UBE3A: variants seen among roughly 807,000 people sequenced by gnomAD.
UBE3A encodes the protein ubiquitin protein ligase E3A.
UBE3A carries 6 observed loss-of-function variants against 83.4 expected under a neutral mutation model. The ratio of observed to expected loss-of-function variants is 0.07; its 90% CI spans 0.04 to 0.14. The LOEUF (loss-of-function observed/expected upper bound fraction) is 0.14, where lower values mean the gene tolerates loss of function less well. UBE3A is among the 10% of genes least tolerant of loss of function. The pLI is 1.00. For synonymous variants in UBE3A, 337 were observed against 355.4 expected, an observed-to-expected ratio of 0.95 and a Z score of 0.58; for missense variants, 456 against 1,036.1, an observed-to-expected ratio of 0.44 and a Z score of 7.69.
chr15:25,396,669 G>C (rs956311944), intron 4 of UBE3A, among the ~76,000 whole-genome samples: 2 of 151,996 alleles, frequency 1.3e-5, no homozygotes, highest in Admixed American at 6.6e-5. Context: ...AGTAAATCCA[G>C]GTAAAATAAA....
In UBE3A at chr15:25,405,495, C is replaced by CGAA; in HGVS notation, c.27_28insTTC (p.Gly9_Glu10insPhe). The CGAA allele has an allele frequency of 1.2e-6, 2 of 1,613,796 alleles. No homozygotes were observed. Among genetic ancestry groups the CGAA allele is most frequent in the East Asian group, 2.2e-5 (1 of 44,840 alleles). ...GCTTCAATGTCGTCAGACTGAGGTT[C>CGAA]TCCTGATCTGTAAAATGCAATTGAG... On this transcript the variant is annotated inframe_insertion, in exon 4 of 13. Transcript: ENST00000648336.
intron 4 of UBE3A, among the ~76,000 whole-genome samples, chr15:25,378,916 T>G (rs1595892324): frequency 6.6e-6 from 1 of 152,156 alleles, no homozygotes; most frequent in Non-Finnish European, 1.5e-5. Flanking sequence ...CTCTAATTTG[T>G]TGAGGACCTA....
At chr15:25,357,810 A>G (rs748238154) in intron 7 of UBE3A, among the ~76,000 whole-genome samples, 5 of 151,854 alleles carry the variant, frequency 3.3e-5, no homozygotes, top group Non-Finnish European at 7.4e-5. Context: ...TTCAATACAC[A>G]TGTTAATTAT....
In UBE3A at chr15:25,371,074, G is replaced by T; in HGVS notation, c.1100C>A (p.Ala367Asp). ...NLVNDDDAIV[A>D]ASKCLKMVYY... is the part of the protein sequence containing the mutation. ...AACCATTTTCAAGCACTTCGAAGCAGCAACAATGGCATCATCATCATTCAC... is the reference window on the plus strand; with the variant it reads ...AACCATTTTCAAGCACTTCGAAGCATCAACAATGGCATCATCATCATTCAC... The change falls in exon 6 of 13, where the codon GCT becomes GAT. Residue 367 changes from alanine (A) to aspartate (D), a missense_variant. Transcript: ENST00000648336. This position sits in a 1 kb window ranked among gnomAD's most constrained non-coding sequence, Gnocchi z 5.3. 6.2e-7 allele frequency: 1 copy of T among 1,613,910 alleles called. No homozygotes were observed. The highest frequency in any genetic ancestry group is 8.5e-7 in the Non-Finnish European group (1 of 1,179,894).
rs528025623 is a variant in UBE3A at position 25,335,111 on chromosome 15, G to C, written c.*4026C>G. ...AACTGAAATGTGGAAAGAGTATCAA[G>C]AGGAGACCCTAAGACACTCTGTAAG... On this transcript the variant is annotated 3_prime_UTR_variant, in exon 13 of 13. Transcript: ENST00000648336. 7 of 152,168 alleles carry C rather than the reference G, an allele frequency of 4.6e-5. No individual in the cohort carries two copies. In the South Asian group the frequency reaches 1.5e-3, roughly 32 times the overall value. The allele number at this position is 152,168 out of a possible 1,614,324, so 9.4% of individuals were successfully genotyped here. A position where few individuals can be genotyped will look rare whatever the true frequency, so the allele number is the denominator to read the frequency against.
chr15:25,335,560 G>A lies in UBE3A; in HGVS notation c.*3577C>T, dbSNP rs182158721. 2.0e-5 allele frequency: 3 copies of A among 152,196 alleles called. No individual in the cohort carries two copies. Among genetic ancestry groups the A allele is most frequent in the African/African-American group, 7.2e-5 (3 of 41,536 alleles). 9.4% of individuals were successfully genotyped at this position (152,196 alleles called of 1,614,324 possible). A position where few individuals can be genotyped will look rare whatever the true frequency, so the allele number is the denominator to read the frequency against. ...GGAAGGAATGATGGGAGAGGTTTAG[G>A]GGGAAAGAAGTGACAACCTGTGACA... On this transcript the variant is annotated 3_prime_UTR_variant, in exon 13 of 13. Transcript: ENST00000648336.
intron 9 of UBE3A, 77 bp downstream of exon 9, chr15:25,355,815 T>C (rs1006491385): frequency 4.3e-6 from 6 of 1,384,450 alleles, no homozygotes; most frequent in African/African-American, 2.9e-5. Context: ...TATTAGATAC[T>C]TCTTTAAAAA....
At chr15:25,344,682 T>TTAAC (rs1374026366) in intron 11 of UBE3A, among the ~76,000 whole-genome samples, 2 of 152,182 alleles carry the variant, frequency 1.3e-5, no homozygotes, top group Non-Finnish European at 2.9e-5. Context: ...AATTATTACA[T>TTAAC]TAACTCCTTA....
At chr15:25,397,638 TAATTCCCTGTATTAAAAATAAACGGCAA>T (rs1479137216) in intron 4 of UBE3A, among the ~76,000 whole-genome samples, 1 of 152,196 alleles carries the variant, frequency 6.6e-6, no homozygotes, top group Non-Finnish European at 1.5e-5. Flanking sequence ...ATTATTCTTC[TAATTCCCTGTATTAAAAATAAACGGCAA>T]AATTCCCTGT....
chr15:25,348,028 T>C (rs2075969497), intron 11 of UBE3A, among the ~76,000 whole-genome samples: 1 of 151,998 alleles, frequency 6.6e-6, no homozygotes, highest in African/African-American at 2.4e-5. Context: ...AGACAGATCA[T>C]GCAAACATTA....
intron 11 of UBE3A, among the ~76,000 whole-genome samples, chr15:25,348,249 G>A (rs1331968383): frequency 6.6e-6 from 1 of 151,972 alleles, no homozygotes; most frequent in East Asian, 1.9e-4. Flanking sequence ...ATATTCTCAA[G>A]TGATTTTTAA....
rs1208611429 is a variant in UBE3A at position 25,338,220 on chromosome 15, G to A, written c.*917C>T. On this transcript the variant is annotated 3_prime_UTR_variant, in exon 13 of 13. Coordinates refer to ENST00000648336, the MANE Select transcript of UBE3A (RefSeq NM_130839.5). ...TTAAGTGCACTTTCACATGCTTTTT[G>A]TTTATAATAAACAAACAACAAACTT... 1 of 152,050 alleles carries A rather than the reference G, an allele frequency of 6.6e-6. No homozygotes were observed. Among genetic ancestry groups the A allele is most frequent in the Non-Finnish European group, 1.5e-5 (1 of 67,974 alleles). The allele number at this position is 152,050 out of a possible 1,614,324, so 9.4% of individuals were successfully genotyped here.
chr15:25,402,218 C>G (rs2087314807), intron 4 of UBE3A, among the ~76,000 whole-genome samples: 1 of 152,184 alleles, frequency 6.6e-6, no homozygotes, highest in South Asian at 2.1e-4. Flanking sequence ...GTCAGCCTGT[C>G]CAGAGATTAT....
intron 4 of UBE3A, 140 bp downstream of exon 4, chr15:25,405,321 A>G: frequency 4.3e-6 from 4 of 919,632 alleles, no homozygotes; most frequent in Non-Finnish European, 6.9e-6. Flanking sequence ...GAAAAAAAGT[A>G]GGTATGTTCC....
In UBE3A at chr15:25,339,074, A is replaced by T. The variant is rs139820860; in HGVS notation, c.*63T>A. 7.9e-5 allele frequency: 116 copies of T among 1,463,990 alleles called. No individual in the cohort carries two copies. In the Admixed American group the frequency reaches 8.5e-4, roughly 11 times the overall value. The allele number at this position is 1,463,990 out of a possible 1,614,324, so 90.7% of individuals were successfully genotyped here. On this transcript the variant is annotated 3_prime_UTR_variant, in exon 13 of 13. Coordinates refer to ENST00000648336, the MANE Select transcript of UBE3A (RefSeq NM_130839.5). Reference sequence around the variant, plus strand: ...ATTTATCCCTCGTTATATTTTTAAAATTTTTTAAATTTTTTCTTTTTTTTT... The same window carrying T: ...ATTTATCCCTCGTTATATTTTTAAATTTTTTTAAATTTTTTCTTTTTTTTT...
At chr15:25,366,196 A>T (rs1393380791) in intron 6 of UBE3A, among the ~76,000 whole-genome samples, 1 of 152,244 alleles carries the variant, frequency 6.6e-6, no homozygotes, top group Non-Finnish European at 1.5e-5. Flanking sequence ...GATTTCAATT[A>T]GAATAAATCA....
intron 11 of UBE3A, among the ~76,000 whole-genome samples, chr15:25,343,728 C>T (rs991758078): frequency 2.3e-4 from 35 of 151,958 alleles, no homozygotes; most frequent in African/African-American, 7.7e-4. Flanking sequence ...AAAATATTTG[C>T]GAATTTACCA....
chr15:25,375,409 A>C (rs1254835651), intron 5 of UBE3A, 56 bp downstream of exon 5: 30 of 1,577,696 alleles, frequency 1.9e-5, no homozygotes, highest in Non-Finnish European at 2.4e-5. Context: ...TAATACATTT[A>C]AATCTCCCAC....
intron 1 of UBE3A, among the ~76,000 whole-genome samples, chr15:25,429,455 A>AT (rs1892407411): frequency 6.6e-6 from 1 of 152,228 alleles, no homozygotes; most frequent in Admixed American, 6.5e-5. Flanking sequence ...CAAAAGACAT[A>AT]TTAGCATATA....
Sources: gnomAD v4.1 joint callset for allele counts (sites outside exome capture counted in the v4.1 genomes callset) on GRCh38, gnomAD v4.1.1 for gene constraint, Gnocchi (gnomAD v3.1) non-coding constraint, MANE v1.5 for transcripts, NCBI Gene and HGNC (gene_info 2026-07-23, HGNC 2026-07-21) for gene names.